Variants in RASL12 observed in about 807,000 individuals in gnomAD.
RASL12 encodes the protein ras-like protein family member 12.
RASL12 carries 16 observed loss-of-function variants against 22.9 expected under a neutral mutation model. That is an observed-to-expected ratio of 0.70 (90% confidence interval 0.47 to 1.06). The LOEUF is 1.06. Among genes scored for constraint, RASL12 ranks in the 50% least tolerant of loss-of-function variants. The pLI is 0.00. For missense variants in RASL12, 306 were observed against 353.1 expected (o/e 0.87, Z 1.07); for synonymous variants, 159 against 152.2 (o/e 1.04, Z -0.33).
At chr15:65,056,414 T>G (rs977933814) in intron 4 of RASL12, among the ~76,000 whole-genome samples, 1 of 152,152 alleles carries the variant, frequency 6.6e-6, no homozygotes, top group Non-Finnish European at 1.5e-5. Flanking sequence ...GCATCGGATC[T>G]ATTCCCCACC....
chr15:65,066,968 A>G (rs764749160), intron 1 of RASL12, among the ~76,000 whole-genome samples: 1 of 152,224 alleles, frequency 6.6e-6, no homozygotes, highest in Non-Finnish European at 1.5e-5. Context: ...AATTATCTCA[A>G]TGGAAGCCCA....
upstream of RASL12, among the ~76,000 whole-genome samples, chr15:65,068,573 A>C (rs2086908634): frequency 6.6e-6 from 1 of 152,164 alleles, no homozygotes; most frequent in South Asian, 2.1e-4. The surrounding 1 kb of genome is among the most constrained non-coding windows in gnomAD (Gnocchi z 4.2). Flanking sequence ...AAGAAACCTA[A>C]TCCATTCTGA....
At chr15:65,075,513 CT>C (rs1419811444) in intron 1 of RASL12, among the ~76,000 whole-genome samples, 1 of 152,234 alleles carries the variant, frequency 6.6e-6, no homozygotes, top group African/African-American at 2.4e-5. Flanking sequence ...CGTGGAGAGT[CT>C]TTATGTCTAG....
Position 65,055,150 on chromosome 15 carries a change from G to T in RASL12, c.550C>A (p.Arg184=). The change falls in exon 5 of 5, where the codon CGG becomes AGG. Residue 184 remains arginine, a synonymous_variant. Transcript: ENST00000220062. ...AGGGGGCTCTTCTCCAGCTCCCGCC[G>T]TGCCTCTCGCACTGCCTCGTGGAAG... ...HVFHEAVREA[R]RELEKSPLTR... is the part of the protein sequence containing the mutation. 1.2e-6 allele frequency: 2 copies of T among 1,612,266 alleles called. No individual in the cohort carries two copies. Among genetic ancestry groups the T allele is most frequent in the Non-Finnish European group, 1.7e-6 (2 of 1,179,578 alleles).
downstream of RASL12, among the ~76,000 whole-genome samples, chr15:65,052,270 T>A (rs2086663117): frequency 6.6e-6 from 1 of 151,964 alleles, no homozygotes; most frequent in Non-Finnish European, 1.5e-5. Flanking sequence ...GGATGAGGTG[T>A]GTGGTGACAA....
intron 1 of RASL12, among the ~76,000 whole-genome samples, chr15:65,074,830 G>A (rs1457155099): frequency 1.3e-5 from 2 of 152,266 alleles, no homozygotes; most frequent in South Asian, 2.1e-4. Flanking sequence ...CACGGTATAT[G>A]GTCACTATTA....
At position 65,053,746 on chromosome 15, in the gene RASL12, T is replaced by C; in HGVS notation, c.*1153A>G. 1.0e-6 allele frequency: 1 copy of C among 986,584 alleles called. No individual in the cohort carries two copies. The highest frequency in any genetic ancestry group is 4.7e-5 in the South Asian group (1 of 21,314). 61.1% of individuals were successfully genotyped at this position (986,584 alleles called of 1,614,324 possible). On this transcript the variant is annotated 3_prime_UTR_variant, in exon 5 of 5. Transcript: ENST00000220062. ...GTCTGTGCAAGACTTCCCTGGGACC[T>C]GGCGTGTGGTAAACAAAATCAGACA...
chr15:65,075,501 G>C (rs1463242396), intron 1 of RASL12, among the ~76,000 whole-genome samples: 1 of 152,238 alleles, frequency 6.6e-6, no homozygotes, highest in African/African-American at 2.4e-5. Context: ...GTCTGGTGGG[G>C]ACGTGGAGAG....
At chr15:65,060,760 G>A (rs1470607472) in intron 2 of RASL12, among the ~76,000 whole-genome samples, 3 of 152,158 alleles carry the variant, frequency 2.0e-5, no homozygotes, top group Non-Finnish European at 2.9e-5. Context: ...GAGAGGGCAC[G>A]CCCCCAACCC....
At chr15:65,075,827 G>GA (rs1389865430) in intron 1 of RASL12, among the ~76,000 whole-genome samples, 4 of 151,734 alleles carry the variant, frequency 2.6e-5, no homozygotes, top group Non-Finnish European at 5.9e-5. Context: ...TGGGGCCTTG[G>GA]AAAACCTTTA....
intron 1 of RASL12, among the ~76,000 whole-genome samples, chr15:65,066,718 G>A (rs1448915189): frequency 6.6e-6 from 1 of 152,202 alleles, no homozygotes; most frequent in Non-Finnish European, 1.5e-5. Flanking sequence ...AAGGAAGAGG[G>A]TAATCCCTTC....
At chr15:65,075,870 G>A (rs534858241) in intron 1 of RASL12, among the ~76,000 whole-genome samples, 4 of 151,996 alleles carry the variant, frequency 2.6e-5, no homozygotes, top group South Asian at 2.1e-4. Flanking sequence ...TACACCAATC[G>A]GCACTCTGTA....
intron 2 of RASL12, among the ~76,000 whole-genome samples, chr15:65,063,692 A>G (rs953301152): frequency 3.3e-5 from 5 of 151,304 alleles, no homozygotes; most frequent in African/African-American, 9.7e-5. Context: ...TCTGTTTGAC[A>G]CCCTGGGGTT....
At chr15:65,076,371 C>T (rs779076654) in intron 1 of RASL12, among the ~76,000 whole-genome samples, 129 of 152,238 alleles carry the variant, frequency 8.5e-4, no homozygotes, top group Non-Finnish European at 5.3e-4. Context: ...ACTCCAGACA[C>T]GCTGCCTTAA....
upstream of RASL12, among the ~76,000 whole-genome samples, chr15:65,068,551 G>A (rs2086908510): frequency 6.6e-6 from 1 of 152,190 alleles, no homozygotes; most frequent in African/African-American, 2.4e-5. The surrounding 1 kb of genome is among the most constrained non-coding windows in gnomAD (Gnocchi z 4.2). Flanking sequence ...GGGCCAATAT[G>A]GGTTCAGCTT....
downstream of RASL12, among the ~76,000 whole-genome samples, chr15:65,052,319 A>T (rs756557330): frequency 6.6e-6 from 1 of 151,862 alleles, no homozygotes; most frequent in Non-Finnish European, 1.5e-5. Context: ...AAGGTCAGAG[A>T]CAGTGTGGTT....
In RASL12 at chr15:65,067,732, C is replaced by T; in HGVS notation, c.103+1G>A. On this transcript the variant is annotated splice_donor_variant, in intron 1 of 4. Transcript: ENST00000220062. LOFTEE classifies it high-confidence loss of function. Reference sequence around the variant, plus strand: ...GGCTCAGGCTCCCCGGCGCCACTCACCAGACTTGCCAGCCCCGCGGCGCCC... The same window carrying T: ...GGCTCAGGCTCCCCGGCGCCACTCATCAGACTTGCCAGCCCCGCGGCGCCC... 6.4e-7 allele frequency: 1 copy of T among 1,558,210 alleles called. No homozygotes were observed. Among genetic ancestry groups the T allele is most frequent in the South Asian group, 1.2e-5 (1 of 85,410 alleles).
chr15:65,052,977 T>C (rs2086675406), downstream of RASL12: 2 of 1,555,604 alleles, frequency 1.3e-6, no homozygotes, highest in Non-Finnish European at 1.7e-6. Context: ...AAAGAAAAGA[T>C]GCAGCCACCA....
chr15:65,065,312 C>G (rs780213585), intron 1 of RASL12, 39 bp from the exon 2 acceptor site: 6 of 1,589,982 alleles, frequency 3.8e-6, no homozygotes, highest in Non-Finnish European at 5.1e-6. Flanking sequence ...ATCTCCGCGG[C>G]CATGTCTAGC....
Sources: allele counts gnomAD v4.1 joint callset (sites outside exome capture counted in the v4.1 genomes callset), GRCh38; gene constraint gnomAD v4.1.1; non-coding constraint Gnocchi (gnomAD v3.1); transcripts MANE v1.5; gene names NCBI Gene and HGNC (gene_info 2026-07-23, HGNC 2026-07-21).